PYCR3: variants seen among roughly 807,000 people sequenced by gnomAD.
PYCR3 encodes the protein P5C reductase 3.
Under a neutral mutation model 23.4 loss-of-function variants are expected in PYCR3, and 26 were observed. The observed-to-expected ratio is 1.11, with a 90% confidence interval of 0.81 to 1.54. The LOEUF is 1.54. Among genes scored for constraint, PYCR3 ranks in the 40% most tolerant of loss-of-function variants. PYCR3 has a pLI of 0.00. For synonymous variants in PYCR3, 194 were observed against 162.6 expected, an observed-to-expected ratio of 1.19 and a Z score of -1.47; for missense variants, 360 against 376.3, an observed-to-expected ratio of 0.96 and a Z score of 0.36.
Position 143,605,594 on chromosome 8 carries a change from G to C in PYCR3, c.*106C>G. The C allele has an allele frequency of 1.9e-6, 2 of 1,030,466 alleles. No homozygotes were observed. Among genetic ancestry groups the C allele is most frequent in the East Asian group, 5.2e-5 (2 of 38,162 alleles). The allele number at this position is 1,030,466 out of a possible 1,614,324, so 63.8% of individuals were successfully genotyped here. A position where few individuals can be genotyped will look rare whatever the true frequency, so the allele number is the denominator to read the frequency against. On this transcript the variant is annotated 3_prime_UTR_variant, in exon 6 of 6. Coordinates refer to ENST00000495276, the MANE Select transcript of PYCR3 (RefSeq NM_023078.6). ...ATTTCCCTGTGCAAGGGGAGAAGGA[G>C]CAGTAGGAGACCCTCATGCAGGAGG...
chr8:143,608,110 C>A lies in PYCR3; in HGVS notation c.108G>T (p.Gln36His), dbSNP rs200755670. ...CTGTTGGTGCACTGGCCAGTATGTG[C>A]TGAGCTTCCACTTTTCCTGGAAAGA... ...GLIRAGKVEA[Q>H]HILASAPTDR... Residue 36 changes from glutamine to histidine, a missense_variant, in exon 2 of 6, where the codon CAG (glutamine) becomes CAT (histidine). Gln to His is a conservative substitution (Grantham distance 24). Coordinates refer to ENST00000495276, the MANE Select transcript of PYCR3 (RefSeq NM_023078.6). 11 of 1,613,810 alleles carry A rather than the reference C, an allele frequency of 6.8e-6. No homozygotes were observed. The South Asian group carries it at 9.9e-5, about 14-fold the overall frequency.
intron 1 of PYCR3, chr8:143,608,328 C>A: frequency 1.7e-6 from 1 of 585,408 alleles, no homozygotes; most frequent in Non-Finnish European, 3.0e-6. Context: ...TGGCGGTCAA[C>A]GCCCCTGACT....
At position 143,605,420 on chromosome 8, in the gene PYCR3, C is replaced by T; in HGVS notation, c.*280G>A. 1 of 498,164 alleles carries T rather than the reference C, an allele frequency of 2.0e-6. No individual in the cohort carries two copies. The highest frequency in any genetic ancestry group is 3.4e-5 in the Admixed American group (1 of 29,016). The allele number at this position is 498,164 out of a possible 1,614,324, so 30.9% of individuals were successfully genotyped here. ...TGACCAAGACGCCATCTCTTGGGCC[C>T]CTCAGAACCAATGTTGCAGCAAGGT... On this transcript the variant is annotated 3_prime_UTR_variant, in exon 6 of 6. Coordinates refer to ENST00000495276, the MANE Select transcript of PYCR3 (RefSeq NM_023078.6).
At chr8:143,607,422 T>A (rs1398243772) in intron 2 of PYCR3, among the ~76,000 whole-genome samples, 3 of 151,978 alleles carry the variant, frequency 2.0e-5, no homozygotes, top group Non-Finnish European at 2.9e-5. Context: ...ATGCACGCAC[T>A]CACGAGCATG....
intron 3 of PYCR3, 128 bp from the exon 4 acceptor site, chr8:143,606,807 G>A: frequency 7.6e-7 from 1 of 1,319,956 alleles, no homozygotes; most frequent in Non-Finnish European, 1.0e-6. Flanking sequence ...CCCAGGTACA[G>A]CACCAGGAGG....
At chr8:143,607,954 A>G in intron 2 of PYCR3, 108 bp downstream of exon 2, 1 of 830,252 alleles carries the variant, frequency 1.2e-6, no homozygotes, top group Admixed American at 2.3e-5. Flanking sequence ...TGCAAACTTC[A>G]GCTAAATAAA....
Position 143,604,924 on chromosome 8 carries a change from G to A in PYCR3, c.*776C>T, listed in dbSNP as rs780206089. 2 of 510,802 alleles carry A rather than the reference G, an allele frequency of 3.9e-6. No homozygotes were observed. The highest frequency in any genetic ancestry group is 2.9e-5 in the South Asian group (2 of 69,770). 31.6% of individuals were successfully genotyped at this position (510,802 alleles called of 1,614,324 possible). A position where few individuals can be genotyped will look rare whatever the true frequency, so the allele number is the denominator to read the frequency against. ...GCCACTTGTCAGGAGCTTAGGATTG[G>A]GAGGAAAGAGGGAGCCTGTATCCAG... On this transcript the variant is annotated 3_prime_UTR_variant, in exon 6 of 6. Coordinates refer to ENST00000495276, the MANE Select transcript of PYCR3 (RefSeq NM_023078.6).
chr8:143,606,700 A>T, intron 3 of PYCR3, 21 bp from the exon 4 acceptor site: 1 of 1,566,206 alleles, frequency 6.4e-7, no homozygotes, highest in Non-Finnish European at 8.6e-7. Flanking sequence ...AGAGGTCAGA[A>T]TCAGGGAGTC....
Position 143,608,052 on chromosome 8 carries a change from C to T in PYCR3, c.156+10G>A. On this transcript the variant is annotated intron_variant, in intron 2 of 5. Coordinates refer to ENST00000495276, the MANE Select transcript of PYCR3 (RefSeq NM_023078.6). ...CCTGAGGGTATGAAGAACCTGGGCT[C>T]TATGCTCACTTGAAAGTGACATAGG... 6.2e-7 allele frequency: 1 copy of T among 1,609,958 alleles called. No individual in the cohort carries two copies.
At position 143,608,126 on chromosome 8, in the gene PYCR3, C is replaced by T; in HGVS notation, c.92G>A (p.Gly31Glu). Residue 31 changes from glycine (G) to glutamate (E), a missense_variant and splice_region_variant, in exon 2 of 6, where the codon GGA becomes GAA. Coordinates refer to ENST00000495276, the MANE Select transcript of PYCR3 (RefSeq NM_023078.6). ...CAGTATGTGCTGAGCTTCCACTTTT[C>T]CTGGAAAGAAAGGAAAAGGAAGAGG... ...GAIAQGLIRA[G>E]KVEAQHILAS... 6.2e-7 allele frequency: 1 copy of T among 1,613,264 alleles called. No homozygotes were observed. The highest frequency in any genetic ancestry group is 1.1e-5 in the South Asian group (1 of 91,072).
At position 143,609,451 on chromosome 8, in the gene PYCR3, G is replaced by T. The variant is rs765091856; in HGVS notation, c.91+7C>A. 1.3e-6 allele frequency: 2 copies of T among 1,496,402 alleles called. No homozygotes were observed. The highest frequency in any genetic ancestry group is 1.8e-6 in the Non-Finnish European group (2 of 1,131,564). The allele number at this position is 1,496,402 out of a possible 1,614,324, so 92.7% of individuals were successfully genotyped here. The stretch of plus-strand genomic sequence containing the variant: ...CAGACCGCAGGCCTAGCCCCGCGCC[G>T]CCCCACCTGCTCTGATGAGGCCCTG... On this transcript the variant is annotated splice_region_variant and intron_variant, in intron 1 of 5. Transcript: ENST00000495276.
At position 143,606,397 on chromosome 8, in the gene PYCR3, T is replaced by C. The variant is rs1373810887; in HGVS notation, c.549+70A>G. On this transcript the variant is annotated intron_variant, in intron 4 of 5. Transcript: ENST00000495276. ...AAGGTTGGACTCTGAGGGCAGAGGC[T>C]GTCAGAGGGACTGGGGTGGGCCCCC... 12 of 1,514,928 alleles carry C rather than the reference T, an allele frequency of 7.9e-6. No homozygotes were observed. The East Asian group carries it at 2.0e-4, about 26-fold the overall frequency. The allele number at this position is 1,514,928 out of a possible 1,614,324, so 93.8% of individuals were successfully genotyped here.
At position 143,606,157 on chromosome 8, in the gene PYCR3, G is replaced by A; in HGVS notation, c.550-3C>T. 2.5e-6 allele frequency: 4 copies of A among 1,604,952 alleles called. No individual in the cohort carries two copies. The highest frequency in any genetic ancestry group is 2.2e-5 in the East Asian group (1 of 44,496). ...AGGGCCTCGGAGAATGCACACACCT[G>A]TAGCCGCGGCATGGTGGTTGGGGGG... On this transcript the variant is annotated splice_region_variant and splice_polypyrimidine_tract_variant and intron_variant, in intron 4 of 5. Transcript: ENST00000495276.
At position 143,604,793 on chromosome 8, in the gene PYCR3, G is replaced by C. The variant is rs2066946837; in HGVS notation, c.*907C>G. On this transcript the variant is annotated 3_prime_UTR_variant, in exon 6 of 6. Coordinates refer to ENST00000495276, the MANE Select transcript of PYCR3 (RefSeq NM_023078.6). ...ACCTGCCGTCCGTTAGGGACAGGTG[G>C]AGGGGCCAAGTCTTGCCATCAGAGG... is the stretch of plus-strand genomic sequence containing the variant. The C allele has an allele frequency of 6.9e-6, 3 of 436,458 alleles. No individual in the cohort carries two copies. The Admixed American group carries it at 8.3e-5, about 12-fold the overall frequency. 27.0% of individuals were successfully genotyped at this position (436,458 alleles called of 1,614,324 possible). A position where few individuals can be genotyped will look rare whatever the true frequency, so the allele number is the denominator to read the frequency against.
chr8:143,605,662 A>T lies in PYCR3; in HGVS notation c.*38T>A, dbSNP rs1472898549. 6 of 1,557,410 alleles carry T rather than the reference A, an allele frequency of 3.9e-6. No homozygotes were observed. Among genetic ancestry groups the T allele is most frequent in the Non-Finnish European group, 5.2e-6 (6 of 1,143,458 alleles). On this transcript the variant is annotated 3_prime_UTR_variant, in exon 6 of 6. Transcript: ENST00000495276. ...CAGGGGAAGGGACACAGGGAGAGGC[A>T]GGGGCACAGAGGCAGGAAAGGATGG...
chr8:143,609,563 C>G lies in PYCR3; in HGVS notation c.-15G>C, dbSNP rs1177129656. The G allele has an allele frequency of 6.7e-7, 1 of 1,487,478 alleles. No individual in the cohort carries two copies. The highest frequency in any genetic ancestry group is 8.9e-7 in the Non-Finnish European group (1 of 1,126,458). 92.1% of individuals were successfully genotyped at this position (1,487,478 alleles called of 1,614,324 possible). ...GCAGCTGCCATCTTGTTGCCTCGGA[C>G]GCCGCTGCGCTCACCGCCCATCCAC... On this transcript the variant is annotated 5_prime_UTR_variant, in exon 1 of 6. Transcript: ENST00000495276.
chr8:143,607,030 C>T lies in PYCR3; in HGVS notation c.259G>A (p.Glu87Lys), dbSNP rs755063182. The change falls in exon 3 of 6, where the codon GAG becomes AAG. Residue 87 changes from glutamate (E) to lysine (K), a missense_variant. Transcript: ENST00000495276. ...TCAGTGGTGACCACAGGAGCCACCT[C>T]TGCCAGGACAGCTGGCAGCACATGA... ...KPHVLPAVLA[E>K]VAPVVTTEHI... 3 of 1,613,250 alleles carry T rather than the reference C, an allele frequency of 1.9e-6. No individual in the cohort carries two copies. The highest frequency in any genetic ancestry group is 2.2e-5 in the East Asian group (1 of 44,898).
At chr8:143,609,312 A>G (rs1040580922) in intron 1 of PYCR3, 146 bp downstream of exon 1, 1 of 950,746 alleles carries the variant, frequency 1.1e-6, no homozygotes, top group Non-Finnish European at 1.4e-6. Flanking sequence ...AAAAAGTAAG[A>G]GCAAACAGGC....
rs1394903858 is a variant in PYCR3, at chr8:143,603,734, A to G, written c.*1966T>C. ...ACAGTCCCCTGGGGTGACAGCGTGC[A>G]GGGGAAACTGCAATTCCATGCCCTA... On this transcript the variant is annotated 3_prime_UTR_variant, in exon 6 of 6. Coordinates refer to ENST00000495276, the MANE Select transcript of PYCR3 (RefSeq NM_023078.6). Among the ~76,000 whole-genome samples, 1 of 152,182 alleles carries G rather than the reference A, an allele frequency of 6.6e-6. No individual in the cohort carries two copies. Among genetic ancestry groups the G allele is most frequent in the Non-Finnish European group, 1.5e-5 (1 of 68,020 alleles).
Sources: gnomAD v4.1 joint callset for allele counts (sites outside exome capture counted in the v4.1 genomes callset) on GRCh38, gnomAD v4.1.1 for gene constraint, MANE v1.5 for transcripts, NCBI Gene and HGNC (gene_info 2026-07-23, HGNC 2026-07-21) for gene names.